TENM3: variants seen among roughly 807,000 people sequenced by gnomAD.
The protein encoded by TENM3 is teneurin-3.
Under a neutral mutation model 255.1 loss-of-function variants are expected in TENM3, and 63 were observed. That is an observed-to-expected ratio of 0.25 (90% confidence interval 0.20 to 0.30). TENM3 has a LOEUF of 0.30. Ranked by LOEUF, TENM3 falls within the 10% of genes least tolerant of loss-of-function variation. The probability of loss-of-function intolerance (pLI) is 1.00; values close to 1 mark genes in which losing one functional copy is unlikely to be tolerated. For missense variants in TENM3, 2,929 were observed against 3,461.1 expected (o/e 0.85, Z 3.86); for synonymous variants, 1,306 against 1,322.3 (o/e 0.99, Z 0.27).
the TENM3 span, among the ~76,000 whole-genome samples, chr4:181,914,434 A>G: frequency 6.6e-6 from 1 of 152,178 alleles, no homozygotes; most frequent in Non-Finnish European, 1.5e-5. Context: ...AGGGGTTGCT[A>G]TTGGGTTATT....
chr4:181,681,660 C>A, the TENM3 span, among the ~76,000 whole-genome samples: 1 of 151,896 alleles, frequency 6.6e-6, no homozygotes, highest in Non-Finnish European at 1.5e-5. Context: ...AAGGAAATAC[C>A]GACTCACGAT....
Position 182,799,624 on chromosome 4 carries a change from C to T in TENM3, c.7373C>T (p.Ala2458Val). 3 of 1,543,744 alleles carry T rather than the reference C, an allele frequency of 1.9e-6. No homozygotes were observed. The highest frequency in any genetic ancestry group is 2.6e-6 in the Non-Finnish European group (3 of 1,146,548). The change falls in exon 28 of 28, where the codon GCG (alanine) becomes GTG (valine). Residue 2458 changes from alanine to valine, a missense_variant. This residue lies in a region of TENM3 where 476 missense variants were observed against 480.1 expected (regional missense o/e 0.99). Coordinates refer to ENST00000511685, the MANE Select transcript of TENM3 (RefSeq NM_001080477.4). The surrounding 1 kb of genome is among the most constrained non-coding windows in gnomAD (Gnocchi z 4.2). ...PPIFGVQQQV[A>V]RQAKAFLSLG... ...ATCTTCGGAGTCCAGCAGCAAGTGG[C>T]GCGGCAGGCCAAGGCCTTCCTGTCG...
chr4:181,479,424 T>A, the TENM3 span, among the ~76,000 whole-genome samples: 1 of 152,202 alleles, frequency 6.6e-6, no homozygotes, highest in Non-Finnish European at 1.5e-5. Flanking sequence ...AGAAACCCTG[T>A]GGTCTTTGCC....
chr4:181,753,750 C>T, the TENM3 span, among the ~76,000 whole-genome samples: 2 of 152,176 alleles, frequency 1.3e-5, no homozygotes, highest in South Asian at 4.1e-4. Context: ...GTTTTAGGTA[C>T]TGCTTATTAT....
chr4:182,750,692 C>CTG (rs148774274), intron 19 of TENM3, among the ~76,000 whole-genome samples: 54 of 150,136 alleles, frequency 3.6e-4, no homozygotes, highest in East Asian at 9.7e-4. Context: ...AAGCATGTAA[C>CTG]TGTGTGTGTG....
At chr4:182,324,962 C>T (rs558032893) in intron 2 of TENM3, among the ~76,000 whole-genome samples, 94 of 152,232 alleles carry the variant, frequency 6.2e-4, no homozygotes, top group African/African-American at 2.1e-3. Context: ...TCTCCTAAAC[C>T]TACCCATTTC....
the TENM3 span, among the ~76,000 whole-genome samples, chr4:181,940,722 G>A: frequency 1.3e-5 from 2 of 152,180 alleles, no homozygotes; most frequent in African/African-American, 4.8e-5. Context: ...AAGTCCCCGT[G>A]GTAGCCAGCC....
intron 1 of TENM3, among the ~76,000 whole-genome samples, chr4:182,163,141 C>A (rs1751469186): frequency 6.6e-6 from 1 of 152,166 alleles, no homozygotes; most frequent in South Asian, 2.1e-4. Context: ...CTGGTCCTTG[C>A]CCCTCCTTTC....
chr4:182,296,676 G>A (rs1358699655), intron 1 of TENM3, among the ~76,000 whole-genome samples: 1 of 152,204 alleles, frequency 6.6e-6, no homozygotes, highest in Non-Finnish European at 1.5e-5. Context: ...CAAGAAGTCT[G>A]CATCTTTAGA....
the TENM3 span, among the ~76,000 whole-genome samples, chr4:182,054,093 C>G: frequency 8.7e-3 from 1,329 of 152,278 alleles, 12 homozygotes; most frequent in Middle Eastern, 0.024. Flanking sequence ...CCCTCATTTA[C>G]CTTTTCAAAC....
chr4:181,804,075 G>T, the TENM3 span, among the ~76,000 whole-genome samples: 1 of 87,756 alleles, frequency 1.1e-5, no homozygotes. Flanking sequence ...AGAAAGGAAA[G>T]AAAGAAAGAA....
Position 182,793,141 on chromosome 4 carries a change from G to A in TENM3, c.6469G>A (p.Gly2157Arg). 2 of 1,613,968 alleles carry A rather than the reference G, an allele frequency of 1.2e-6. No homozygotes were observed. The highest frequency in any genetic ancestry group is 1.7e-6 in the Non-Finnish European group (2 of 1,179,890). ...GTGGCGGTACAACTACGATCTGAAT[G>A]GAAACCTCCATTTACTGAACCCAAG... ...IMWRYNYDLN[G>R]NLHLLNPSNS... The change falls in exon 26 of 28, where the codon GGA becomes AGA. Residue 2157 changes from glycine to arginine, a missense_variant. Gly to Arg is a moderately radical substitution (Grantham distance 125, BLOSUM62 -2). Coordinates refer to ENST00000511685, the MANE Select transcript of TENM3 (RefSeq NM_001080477.4). The surrounding 1 kb of genome is among the most constrained non-coding windows in gnomAD (Gnocchi z 5.7).
chr4:181,856,108 GGA>G, the TENM3 span, among the ~76,000 whole-genome samples: 1 of 121,754 alleles, frequency 8.2e-6, no homozygotes, highest in Middle Eastern at 4.9e-3. Flanking sequence ...AAAGAAGGAA[GGA>G]AAGGAAGAAG....
chr4:182,167,702 G>A (rs373236991), intron 1 of TENM3, among the ~76,000 whole-genome samples: 7 of 151,898 alleles, frequency 4.6e-5, no homozygotes, highest in South Asian at 2.1e-4. Context: ...GTGAAACCCC[G>A]TCTCTACAAA....
chr4:182,763,013 G>C (rs1322982295), intron 22 of TENM3, among the ~76,000 whole-genome samples: 1 of 152,078 alleles, frequency 6.6e-6, no homozygotes, highest in African/African-American at 2.4e-5. Context: ...ACAACTTCTA[G>C]AAAATATTGA....
the TENM3 span, among the ~76,000 whole-genome samples, chr4:181,808,148 A>G: frequency 6.6e-6 from 1 of 152,198 alleles, no homozygotes. Context: ...TTTCCAGATA[A>G]CCATTTTTTA....
At chr4:181,542,878 A>C in the TENM3 span, among the ~76,000 whole-genome samples, 1 of 152,144 alleles carries the variant, frequency 6.6e-6, no homozygotes, top group South Asian at 2.1e-4. Context: ...AAAAAAACCA[A>C]AGTCCTTTCC....
the TENM3 span, among the ~76,000 whole-genome samples, chr4:182,025,501 G>GATTTCTGATTTCTGAAATCAGAA: frequency 3.3e-5 from 5 of 152,156 alleles, no homozygotes; most frequent in Admixed American, 3.3e-4. Context: ...GTATCTCTTT[G>GATTTCTGATTTCTGAAATCAGAA]ATATACTGAT....
intron 3 of TENM3, among the ~76,000 whole-genome samples, chr4:182,584,722 C>T (rs1198770971): frequency 3.3e-5 from 5 of 152,248 alleles, no homozygotes; most frequent in African/African-American, 1.2e-4. Context: ...TCACTGCAAC[C>T]TCCACTTCCC....
Sources: allele counts gnomAD v4.1 joint callset (sites outside exome capture counted in the v4.1 genomes callset), GRCh38; gene constraint gnomAD v4.1.1; regional missense constraint gnomAD v4.1.1; non-coding constraint Gnocchi (gnomAD v3.1); transcripts MANE v1.5; gene names NCBI Gene and HGNC (gene_info 2026-07-23, HGNC 2026-07-21).